The following ERGIC1 variants were observed in gnomAD, a reference collection of about 807,000 sequenced individuals.
The protein encoded by ERGIC1 is endoplasmic reticulum-golgi intermediate compartment 1.
Under a neutral mutation model 38.3 loss-of-function variants are expected in ERGIC1, and 19 were observed. The ratio of observed to expected loss-of-function variants is 0.50; its 90% CI spans 0.35 to 0.73. The LOEUF (loss-of-function observed/expected upper bound fraction) is 0.73. Among genes scored for constraint, ERGIC1 ranks in the 30% least tolerant of loss-of-function variants. The pLI is 0.01. For missense variants in ERGIC1, 294 were observed against 389.2 expected, an observed-to-expected ratio of 0.76 and a Z score of 2.06; for synonymous variants, 124 against 157.6, an observed-to-expected ratio of 0.79 and a Z score of 1.60.
At chr5:172,871,997 T>G (rs1762026430) in intron 1 of ERGIC1, among the ~76,000 whole-genome samples, 1 of 152,158 alleles carries the variant, frequency 6.6e-6, no homozygotes, top group South Asian at 2.1e-4. Flanking sequence ...GAGTTTCACC[T>G]TTTCATTTGT....
intron 9 of ERGIC1, among the ~76,000 whole-genome samples, chr5:172,945,213 T>C (rs1264728164): frequency 1.3e-5 from 2 of 152,238 alleles, no homozygotes; most frequent in Non-Finnish European, 2.9e-5. Flanking sequence ...TAAGGTGCTT[T>C]GCCCCACAAG....
chr5:172,924,136 T>C, intron 6 of ERGIC1, 27 bp downstream of exon 6: 1 of 1,607,194 alleles, frequency 6.2e-7, no homozygotes, highest in Non-Finnish European at 8.5e-7. Context: ...CGAGATGGCA[T>C]GGCCGGGGGT....
At chr5:172,861,365 A>C (rs1761695158) in intron 1 of ERGIC1, among the ~76,000 whole-genome samples, 1 of 150,996 alleles carries the variant, frequency 6.6e-6, no homozygotes, top group Non-Finnish European at 1.5e-5. Context: ...AGCTCCTCCC[A>C]CCCTCTGGAA....
At chr5:172,853,074 T>G (rs1481951568) in intron 1 of ERGIC1, among the ~76,000 whole-genome samples, 1 of 151,276 alleles carries the variant, frequency 6.6e-6, no homozygotes, top group Non-Finnish European at 1.5e-5. Context: ...TGTGTATGTG[T>G]AGATATGAGT....
At chr5:172,890,241 T>G (rs1762525137) in intron 2 of ERGIC1, among the ~76,000 whole-genome samples, 1 of 152,088 alleles carries the variant, frequency 6.6e-6, no homozygotes, top group African/African-American at 2.4e-5. Context: ...CAATCCCAGG[T>G]CAGGGGACAT....
rs531123187 is a variant in ERGIC1 at position 172,892,909 on chromosome 5, C to T, written c.83-4093C>T. ...ATCGGGACCTTTGGACCACTTGAGT[C>T]TCTGCCGAGTAGACTTGGCACTTAT... is the stretch of plus-strand genomic sequence containing the variant. On this transcript the variant is annotated intron_variant, in intron 2 of 9. Transcript: ENST00000393784. 8.9e-4 allele frequency among the ~76,000 whole-genome samples: 135 copies of T among 152,310 alleles called. 2 individuals carry two copies. Among genetic ancestry groups the T allele is most frequent in the African/African-American group, 3.1e-3 (128 of 41,560 alleles).
At chr5:172,835,067 C>T (rs183991812) in intron 1 of ERGIC1, among the ~76,000 whole-genome samples, 1 of 152,234 alleles carries the variant, frequency 6.6e-6, no homozygotes, top group East Asian at 1.9e-4. Context: ...CTGGCCTTGG[C>T]TTTCTGCAGT....
At position 172,910,003 on chromosome 5, in the gene ERGIC1, G is replaced by A. The variant is rs1763166449; in HGVS notation, c.250+242G>A. 2.6e-5 allele frequency among the ~76,000 whole-genome samples: 4 copies of A among 152,218 alleles called. No individual in the cohort carries two copies. The South Asian group carries it at 6.2e-4, about 24-fold the overall frequency. On this transcript the variant is annotated intron_variant, in intron 4 of 9. Coordinates refer to ENST00000393784, the MANE Select transcript of ERGIC1 (RefSeq NM_001031711.3). ...CTGATTTGGTGCAGGGAGGTGGGAT[G>A]TCTCTTAGGGTCATGTTACAGCTTC...
intron 8 of ERGIC1, chr5:172,932,921 T>C (rs1009783508): frequency 3.2e-5 from 6 of 189,018 alleles, no homozygotes; most frequent in African/African-American, 1.2e-4. Flanking sequence ...ACAGGCACTT[T>C]ACCCAAACTC....
chr5:172,878,823 C>T (rs1235176667), intron 1 of ERGIC1, among the ~76,000 whole-genome samples: 1 of 152,150 alleles, frequency 6.6e-6, no homozygotes, highest in Non-Finnish European at 1.5e-5. Context: ...CACACACATA[C>T]ACTAGCACAG....
chr5:172,914,080 C>CA (rs922447595), intron 4 of ERGIC1, among the ~76,000 whole-genome samples: 19 of 151,544 alleles, frequency 1.3e-4, no homozygotes, highest in African/African-American at 4.6e-4. Context: ...ACTAAAAATA[C>CA]AAAAAAAATT....
chr5:172,855,865 T>G (rs2113064885), intron 1 of ERGIC1, among the ~76,000 whole-genome samples: 1 of 152,330 alleles, frequency 6.6e-6, no homozygotes, highest in South Asian at 2.1e-4. Flanking sequence ...CTTCAGAGGC[T>G]GGCCTGGGTG....
At chr5:172,931,584 T>A (rs526644) in intron 7 of ERGIC1, among the ~76,000 whole-genome samples, 5 of 152,126 alleles carry the variant, frequency 3.3e-5, no homozygotes, top group African/African-American at 7.3e-5. Context: ...GGCTCTTTTC[T>A]TTTTAATACT....
At chr5:172,894,131 A>ATTTTT (rs1402232060) in intron 2 of ERGIC1, among the ~76,000 whole-genome samples, 1 of 30,052 alleles carries the variant, frequency 3.3e-5, no homozygotes, top group African/African-American at 1.6e-4. Flanking sequence ...TGCTGATGAT[A>ATTTTT]CTTTTTTTTT....
chr5:172,893,793 T>A (rs1762627665), intron 2 of ERGIC1, among the ~76,000 whole-genome samples: 1 of 148,150 alleles, frequency 6.7e-6, no homozygotes, highest in Non-Finnish European at 1.5e-5. Context: ...GTGGAACCTG[T>A]TTCGACATAG....
At chr5:172,938,005 A>T (rs1763923985) in intron 9 of ERGIC1, 1 of 151,694 alleles carries the variant, frequency 6.6e-6, no homozygotes. Context: ...CTCAAAAAAA[A>T]AAAAGAAAGA....
At chr5:172,900,726 A>C (rs34070755) in intron 3 of ERGIC1, among the ~76,000 whole-genome samples, 5,274 of 149,134 alleles carry the variant, frequency 0.035, 302 homozygotes, top group African/African-American at 0.12. Flanking sequence ...AAAAAACAAA[A>C]AAAAACATGA....
At chr5:172,932,207 T>C (rs1291449041) in intron 7 of ERGIC1, among the ~76,000 whole-genome samples, 1 of 152,176 alleles carries the variant, frequency 6.6e-6, no homozygotes, top group Non-Finnish European at 1.5e-5. Context: ...TTGGGTTGTT[T>C]CCAGAATTTT....
intron 8 of ERGIC1, 90 bp downstream of exon 8, chr5:172,932,626 T>C: frequency 7.7e-7 from 1 of 1,291,592 alleles, no homozygotes; most frequent in South Asian, 1.2e-5. Context: ...CCGACGCACT[T>C]TCTTCTGATT....
Sources: allele counts gnomAD v4.1 joint callset (sites outside exome capture counted in the v4.1 genomes callset), GRCh38; gene constraint gnomAD v4.1.1; transcripts MANE v1.5; gene names NCBI Gene and HGNC (gene_info 2026-07-23, HGNC 2026-07-21).